The following STK25 variants were observed in gnomAD, a reference collection of about 807,000 sequenced individuals.
STK25 encodes serine/threonine kinase 25.
In STK25, 29 loss-of-function variants were observed where a neutral mutation model predicts 53.8. That is an observed-to-expected ratio of 0.54 (90% CI 0.40 to 0.74). The LOEUF (loss-of-function observed/expected upper bound fraction) is 0.74, where lower values mean the gene tolerates loss of function less well. STK25 is among the 30% of genes least tolerant of loss of function. The pLI is 0.00. For missense variants in STK25, 420 were observed against 568.0 expected (o/e 0.74, Z 2.65); for synonymous variants, 247 against 238.3 (o/e 1.04, Z -0.33).
intron 5 of STK25, chr2:241,499,788 T>C (rs2065393361): frequency 6.5e-6 from 3 of 458,396 alleles, no homozygotes; most frequent in African/African-American, 5.9e-5. Flanking sequence ...ATGACAGAGA[T>C]GGCTCGTTGC....
intron 9 of STK25, 57 bp downstream of exon 9, chr2:241,498,178 A>C: frequency 6.6e-7 from 1 of 1,509,834 alleles, no homozygotes; most frequent in South Asian, 1.1e-5. Context: ...TCCCGCATCC[A>C]GCCCATCCCA....
chr2:241,497,930 T>G (rs1338845980), intron 9 of STK25, among the ~76,000 whole-genome samples: 1 of 126,806 alleles, frequency 7.9e-6, no homozygotes, highest in South Asian at 2.4e-4. Context: ...TGAGGGCCTG[T>G]GACTCCCACC....
At chr2:241,506,958 T>C (rs998657792) in intron 2 of STK25, among the ~76,000 whole-genome samples, 38 of 152,140 alleles carry the variant, frequency 2.5e-4, no homozygotes, top group Admixed American at 2.2e-3. Context: ...CAGCTGCACA[T>C]GGTGTTCCGG....
In STK25 at chr2:241,493,726, C is replaced by T. The variant is rs555560820; in HGVS notation, c.*1936G>A. The T allele has an allele frequency of 7.6e-5, 39 of 516,366 alleles. No homozygotes were observed. The highest frequency in any genetic ancestry group is 3.7e-4 in the South Asian group (14 of 37,966). The allele number at this position is 516,366 out of a possible 1,614,324, so 32.0% of individuals were successfully genotyped here. A position where few individuals can be genotyped will look rare whatever the true frequency, so the allele number is the denominator to read the frequency against. ...TCTTCTGCCTCAGCCTCCTGAGTAA[C>T]TGAGATTACAGGCATGCACGCCACG... On this transcript the variant is annotated 3_prime_UTR_variant, in exon 12 of 12. Coordinates refer to ENST00000316586, the MANE Select transcript of STK25 (RefSeq NM_001271977.2).
At chr2:241,504,993 T>C (rs551937508) in intron 2 of STK25, among the ~76,000 whole-genome samples, 1 of 151,770 alleles carries the variant, frequency 6.6e-6, no homozygotes, top group South Asian at 2.1e-4. Flanking sequence ...CTCGGCTCAC[T>C]GCAACCTCCG....
Position 241,497,600 on chromosome 2 carries a change from C to A in STK25, c.1104+16G>T, listed in dbSNP as rs745385172. 3 of 1,613,044 alleles carry A rather than the reference C, an allele frequency of 1.9e-6. No individual in the cohort carries two copies. The African/African-American group carries it at 4.0e-5, about 21-fold the overall frequency. On this transcript the variant is annotated intron_variant, in intron 10 of 11. Transcript: ENST00000316586. ...CCTTGACGGGACTCCAGGCCCAGTC[C>A]CAGCCCCATCCTCACCTCTCCGAAG...
In STK25 at chr2:241,495,339, A is replaced by G; in HGVS notation, c.*323T>C. 3.0e-6 allele frequency: 1 copy of G among 328,988 alleles called. No individual in the cohort carries two copies. The allele number at this position is 328,988 out of a possible 1,614,324, so 20.4% of individuals were successfully genotyped here. Reference sequence around the variant, plus strand: ...TCTGCGCCTTGGTCTGAGCGGCCATAGGGCTGCATGAGTCTGCAGAAGACC... The same window carrying G: ...TCTGCGCCTTGGTCTGAGCGGCCATGGGGCTGCATGAGTCTGCAGAAGACC... On this transcript the variant is annotated 3_prime_UTR_variant, in exon 12 of 12. Transcript: ENST00000316586.
intron 9 of STK25, 92 bp downstream of exon 9, chr2:241,498,143 C>T: frequency 8.1e-7 from 1 of 1,232,044 alleles, no homozygotes; most frequent in Non-Finnish European, 1.2e-6. Context: ...GTCCAAGCTC[C>T]AGACACTGGG....
Position 241,499,269 on chromosome 2 carries a change from G to C in STK25, c.573C>G (p.Ala191=). The C allele has an allele frequency of 6.2e-7, 1 of 1,613,994 alleles. No homozygotes were observed. The highest frequency in any genetic ancestry group is 8.5e-7 in the Non-Finnish European group (1 of 1,180,006). The stretch of plus-strand genomic sequence containing the variant: ...CCGCTGCACCCACCTTGAAGTCGTA[G>C]GCCGACTGCTTGATGACCTCAGGTG... ...WMAPEVIKQS[A]YDFKADIWSL... The change falls in exon 6 of 12, where the codon GCC becomes GCG. Residue 191 remains alanine, a synonymous_variant. Coordinates refer to ENST00000316586, the MANE Select transcript of STK25 (RefSeq NM_001271977.2).
At chr2:241,503,776 TG>T (rs1220855548) in intron 2 of STK25, among the ~76,000 whole-genome samples, 2 of 143,150 alleles carry the variant, frequency 1.4e-5, no homozygotes, top group East Asian at 4.2e-4. Context: ...GGTCCTTGGG[TG>T]GGGGTGCCCT....
rs1466914104 is a variant in STK25 at position 241,499,140 on chromosome 2, T to C, written c.620A>G (p.Glu207Gly). 3.1e-6 allele frequency: 5 copies of C among 1,613,600 alleles called. No homozygotes were observed. The highest frequency in any genetic ancestry group is 4.2e-6 in the Non-Finnish European group (5 of 1,179,778). Residue 207 changes from glutamate to glycine, a missense_variant, in exon 7 of 12, where the codon GAG (glutamate) becomes GGG (glycine). Transcript: ENST00000316586. ...GTTTGGAGGCTCCCCCTTGGCCAGC[T>C]CGATGGCTGTGATCCCCAGGGACCA... Reference protein sequence around the residue: ...DIWSLGITAIELAKGEPPNSD... With the variant: ...DIWSLGITAIGLAKGEPPNSD...
chr2:241,496,600 G>C lies in STK25; in HGVS notation c.1105-66C>G. On this transcript the variant is annotated intron_variant, in intron 10 of 11. Coordinates refer to ENST00000316586, the MANE Select transcript of STK25 (RefSeq NM_001271977.2). The surrounding 1 kb of genome is among the most constrained non-coding windows in gnomAD (Gnocchi z 5.8). ...AGGCCTTCAGGGAGCCTGCTCCTTTGCTCGGCCACAGTGATGCCGGAGGCC... is the reference window on the plus strand; with the variant it reads ...AGGCCTTCAGGGAGCCTGCTCCTTTCCTCGGCCACAGTGATGCCGGAGGCC... The C allele has an allele frequency of 6.4e-7, 1 of 1,560,482 alleles. No individual in the cohort carries two copies. The highest frequency in any genetic ancestry group is 1.2e-5 in the South Asian group (1 of 86,916).
At position 241,501,461 on chromosome 2, in the gene STK25, C is replaced by A; in HGVS notation, c.261+17G>T. On this transcript the variant is annotated intron_variant, in intron 3 of 11. Coordinates refer to ENST00000316586, the MANE Select transcript of STK25 (RefSeq NM_001271977.2). The surrounding 1 kb of genome is among the most constrained non-coding windows in gnomAD (Gnocchi z 5.3). ...GGCACAGCACCAGCAGGGTCCCCGC[C>A]TCCCCACAACAGGCACCTTTAGGTA... 1 of 1,612,178 alleles carries A rather than the reference C, an allele frequency of 6.2e-7. No individual in the cohort carries two copies. Among genetic ancestry groups the A allele is most frequent in the Non-Finnish European group, 8.5e-7 (1 of 1,178,898 alleles).
rs1559819154 is a variant in STK25 at position 241,492,770 on chromosome 2, C to CTT, written c.*2890_*2891dup. 1 of 577,942 alleles carries CTT rather than the reference C, an allele frequency of 1.7e-6. No homozygotes were observed. Among genetic ancestry groups the CTT allele is most frequent in the Non-Finnish European group, 3.1e-6 (1 of 323,010 alleles). 35.8% of individuals were successfully genotyped at this position (577,942 alleles called of 1,614,324 possible). ...AGGTTTTTAACATGCTTCTGTTGGA[C>CTT]TTAAGTACTGATAAAGCTGCTGTTC... On this transcript the variant is annotated 3_prime_UTR_variant, in exon 12 of 12. Coordinates refer to ENST00000316586, the MANE Select transcript of STK25 (RefSeq NM_001271977.2).
At position 241,496,691 on chromosome 2, in the gene STK25, A is replaced by C; in HGVS notation, c.1105-157T>G. On this transcript the variant is annotated intron_variant, in intron 10 of 11. Transcript: ENST00000316586. The surrounding 1 kb of genome is among the most constrained non-coding windows in gnomAD (Gnocchi z 5.8). The stretch of plus-strand genomic sequence containing the variant: ...AGCAAGCCGGGAAGTGAGGTGGCCC[A>C]AGGAAGCCTCTGCCCCTGCCCTGCC... The C allele has an allele frequency of 1.3e-6, 1 of 784,614 alleles. No homozygotes were observed. The allele number at this position is 784,614 out of a possible 1,614,324, so 48.6% of individuals were successfully genotyped here. A position where few individuals can be genotyped will look rare whatever the true frequency, so the allele number is the denominator to read the frequency against.
upstream of STK25, chr2:241,509,144 C>A: frequency 6.6e-6 from 1 of 152,536 alleles, no homozygotes; most frequent in Non-Finnish European, 1.5e-5. Flanking sequence ...GGCCAGGGCG[C>A]ACCAGGCCTT....
Position 241,492,799 on chromosome 2 carries a change from G to A in STK25, c.*2863C>T. On this transcript the variant is annotated 3_prime_UTR_variant, in exon 12 of 12. Coordinates refer to ENST00000316586, the MANE Select transcript of STK25 (RefSeq NM_001271977.2). ...AGTACTGATAAAGCTGCTGTTCATA[G>A]CAGTCCAGAGGTAAAACCAAGGCCT... 1.6e-6 allele frequency: 1 copy of A among 623,996 alleles called. No individual in the cohort carries two copies. Among genetic ancestry groups the A allele is most frequent in the Non-Finnish European group, 2.9e-6 (1 of 346,842 alleles). The allele number at this position is 623,996 out of a possible 1,614,324, so 38.7% of individuals were successfully genotyped here.
intron 2 of STK25, among the ~76,000 whole-genome samples, chr2:241,507,469 C>T (rs1374555802): frequency 6.6e-6 from 1 of 152,256 alleles, no homozygotes; most frequent in East Asian, 1.9e-4. Context: ...GCAGCCTTTT[C>T]ACCCTCCCCT....
In STK25 at chr2:241,495,394, G is replaced by A. The variant is rs9052; in HGVS notation, c.*268C>T. On this transcript the variant is annotated 3_prime_UTR_variant, in exon 12 of 12. Transcript: ENST00000316586. The stretch of plus-strand genomic sequence containing the variant: ...CGTAGCTCATGAGGGCCACGCCGGC[G>A]GCTGGAGCCCCCGTGAGCAATACTG... 9 of 479,390 alleles carry A rather than the reference G, an allele frequency of 1.9e-5. No individual in the cohort carries two copies. The highest frequency in any genetic ancestry group is 3.4e-5 in the Non-Finnish European group (9 of 264,938). 29.7% of individuals were successfully genotyped at this position (479,390 alleles called of 1,614,324 possible). A position where few individuals can be genotyped will look rare whatever the true frequency, so the allele number is the denominator to read the frequency against.
Sources: allele counts gnomAD v4.1 joint callset (sites outside exome capture counted in the v4.1 genomes callset), GRCh38; gene constraint gnomAD v4.1.1; non-coding constraint Gnocchi (gnomAD v3.1); transcripts MANE v1.5; gene names NCBI Gene and HGNC (gene_info 2026-07-23, HGNC 2026-07-21).